PEX7: variants seen among roughly 807,000 people sequenced by gnomAD.
PEX7 encodes PTS2 receptor.
In PEX7, 34 loss-of-function variants were observed where a neutral mutation model predicts 47.5. The ratio of observed to expected loss-of-function variants is 0.72; its 90% CI spans 0.54 to 0.95. The LOEUF (loss-of-function observed/expected upper bound fraction) is 0.95. Ranked by LOEUF, PEX7 falls within the 40% of genes least tolerant of loss-of-function variation. The probability of loss-of-function intolerance (pLI) is 0.00; values close to 1 mark genes in which losing one functional copy is unlikely to be tolerated. For missense variants in PEX7, 394 were observed against 400.3 expected (o/e 0.98, Z 0.13); for synonymous variants, 141 against 148.8 (o/e 0.95, Z 0.38).
intron 3 of PEX7, among the ~76,000 whole-genome samples, chr6:136,837,698 A>T (rs1207186864): frequency 6.6e-6 from 1 of 152,162 alleles, no homozygotes; most frequent in Non-Finnish European, 1.5e-5. Flanking sequence ...GAAAGCTATG[A>T]AAGGCCGCTG....
chr6:136,868,318 C>T (rs1001665696), intron 6 of PEX7, among the ~76,000 whole-genome samples: 3 of 151,936 alleles, frequency 2.0e-5, no homozygotes, highest in Non-Finnish European at 2.9e-5. Flanking sequence ...GTCTGTTGAC[C>T]GTGACAAATA....
At chr6:136,836,617 G>C (rs1219396088) in intron 3 of PEX7, among the ~76,000 whole-genome samples, 1 of 152,174 alleles carries the variant, frequency 6.6e-6, no homozygotes, top group Non-Finnish European at 1.5e-5. Context: ...TAAAAACCCA[G>C]TATTGTGATT....
chr6:136,878,081 T>G (rs940326402), intron 8 of PEX7, among the ~76,000 whole-genome samples: 2 of 152,198 alleles, frequency 1.3e-5, no homozygotes, highest in Non-Finnish European at 2.9e-5. Flanking sequence ...GAATGGGAGT[T>G]CACTCATGAT....
intron 8 of PEX7, among the ~76,000 whole-genome samples, chr6:136,873,443 C>T (rs1030486767): frequency 5.3e-5 from 8 of 152,204 alleles, no homozygotes; most frequent in Non-Finnish European, 1.2e-4. Context: ...TTAGATATTA[C>T]CAAATTCCCA....
In PEX7 at chr6:136,822,653, G is replaced by A; in HGVS notation, c.-13G>A. The A allele has an allele frequency of 6.6e-7, 1 of 1,526,346 alleles. No homozygotes were observed. The highest frequency in any genetic ancestry group is 8.8e-7 in the Non-Finnish European group (1 of 1,142,190). 94.6% of individuals were successfully genotyped at this position (1,526,346 alleles called of 1,614,324 possible). On this transcript the variant is annotated 5_prime_UTR_variant, in exon 1 of 10. Coordinates refer to ENST00000318471, the MANE Select transcript of PEX7 (RefSeq NM_000288.4). The stretch of plus-strand genomic sequence containing the variant: ...CGCGGCCGGGGCAGCGAGGGCCGGG[G>A]GCGGCGGGCGGGATGAGTGCGGTGT...
intron 5 of PEX7, among the ~76,000 whole-genome samples, chr6:136,858,750 A>G (rs1262497254): frequency 6.6e-6 from 1 of 152,220 alleles, no homozygotes; most frequent in Non-Finnish European, 1.5e-5. Context: ...TTTTTTTAAA[A>G]ATCTACAGAA....
At chr6:136,863,685 A>G (rs1340198210) in intron 5 of PEX7, among the ~76,000 whole-genome samples, 2 of 152,076 alleles carry the variant, frequency 1.3e-5, no homozygotes, top group Non-Finnish European at 2.9e-5. Context: ...AGGCAGGTGG[A>G]TTGCTTGAGC....
intron 5 of PEX7, among the ~76,000 whole-genome samples, chr6:136,850,923 T>G (rs1157699103): frequency 1.3e-5 from 2 of 148,304 alleles, no homozygotes; most frequent in East Asian, 3.9e-4. Flanking sequence ...GATGGTTTTT[T>G]TTTTTTTTTT....
At chr6:136,855,228 G>GT (rs1245052005) in intron 5 of PEX7, among the ~76,000 whole-genome samples, 11 of 152,104 alleles carry the variant, frequency 7.2e-5, no homozygotes, top group African/African-American at 2.7e-4. Context: ...AAAAGTATTA[G>GT]TAAGTACAAT....
chr6:136,871,759 C>T (rs1404921102), intron 7 of PEX7, among the ~76,000 whole-genome samples: 1 of 152,058 alleles, frequency 6.6e-6, no homozygotes, highest in African/African-American at 2.4e-5. Context: ...CGGGGTTTCA[C>T]CATGTTGGCC....
At chr6:136,887,708 G>A (rs1047104742) in intron 8 of PEX7, among the ~76,000 whole-genome samples, 2 of 152,150 alleles carry the variant, frequency 1.3e-5, no homozygotes, top group Non-Finnish European at 2.9e-5. Context: ...GAGGTTTATT[G>A]TGGGTTGGTA....
At chr6:136,831,305 T>C (rs1481619983) in intron 3 of PEX7, among the ~76,000 whole-genome samples, 2 of 152,062 alleles carry the variant, frequency 1.3e-5, no homozygotes, top group African/African-American at 2.4e-5. Flanking sequence ...TTTAAAGCCA[T>C]CAGATCTTTT....
At chr6:136,824,054 C>T (rs1432677719) in intron 1 of PEX7, among the ~76,000 whole-genome samples, 2 of 152,064 alleles carry the variant, frequency 1.3e-5, no homozygotes, top group Non-Finnish European at 2.9e-5. Context: ...TGTCCTACAG[C>T]AGAAAAAAAT....
rs946227598 is a variant in PEX7, at chr6:136,825,198, T to C, written c.131-16T>C. The C allele has an allele frequency of 6.2e-6, 10 of 1,608,864 alleles. No individual in the cohort carries two copies. Among genetic ancestry groups the C allele is most frequent in the Non-Finnish European group, 8.5e-6 (10 of 1,175,376 alleles). On this transcript the variant is annotated splice_polypyrimidine_tract_variant and intron_variant, in intron 1 of 9. Coordinates refer to ENST00000318471, the MANE Select transcript of PEX7 (RefSeq NM_000288.4). ...GGCAGGTTCAAAGGGATGACCTTGA[T>C]TTTTTTTCTCTTTAGGCTGTGGAAC...
intron 5 of PEX7, among the ~76,000 whole-genome samples, chr6:136,865,007 T>C (rs1397833728): frequency 6.6e-6 from 1 of 152,246 alleles, no homozygotes. Flanking sequence ...GGTATATATA[T>C]TCTGGATTTT....
At chr6:136,870,701 A>C (rs1250699278) in intron 7 of PEX7, 1 of 391,526 alleles carries the variant, frequency 2.6e-6, no homozygotes, top group South Asian at 1.9e-5. Flanking sequence ...CTATTTAAAA[A>C]ATTCTAAATT....
intron 8 of PEX7, among the ~76,000 whole-genome samples, chr6:136,896,438 G>A (rs1206581753): frequency 6.6e-6 from 1 of 152,188 alleles, no homozygotes; most frequent in African/African-American, 2.4e-5. Context: ...CCTCACAGAT[G>A]TTGAGGATGT....
intron 8 of PEX7, among the ~76,000 whole-genome samples, chr6:136,888,865 T>G (rs535808640): frequency 6.6e-6 from 1 of 152,246 alleles, no homozygotes; most frequent in African/African-American, 2.4e-5. Context: ...TAGAAAGTCC[T>G]GTTGGGATGA....
rs1482096643 is a variant in PEX7, at chr6:136,822,659, G to C, written c.-7G>C. The C allele has an allele frequency of 6.6e-7, 1 of 1,525,644 alleles. No homozygotes were observed. The highest frequency in any genetic ancestry group is 8.8e-7 in the Non-Finnish European group (1 of 1,141,772). 94.5% of individuals were successfully genotyped at this position (1,525,644 alleles called of 1,614,324 possible). ...CGGGGCAGCGAGGGCCGGGGGCGGC[G>C]GGCGGGATGAGTGCGGTGTGCGGTG... is the stretch of plus-strand genomic sequence containing the variant. On this transcript the variant is annotated 5_prime_UTR_variant, in exon 1 of 10. Coordinates refer to ENST00000318471, the MANE Select transcript of PEX7 (RefSeq NM_000288.4).
Sources: gnomAD v4.1 joint callset for allele counts (sites outside exome capture counted in the v4.1 genomes callset) on GRCh38, gnomAD v4.1.1 for gene constraint, MANE v1.5 for transcripts, NCBI Gene and HGNC (gene_info 2026-07-23, HGNC 2026-07-21) for gene names.